FAF1: variants seen among roughly 807,000 people sequenced by gnomAD.
The protein encoded by FAF1 is Fas associated factor 1, also known as FAS-associated factor 1.
In FAF1, 25 loss-of-function variants were observed where a neutral mutation model predicts 92.5. The ratio of observed to expected loss-of-function variants is 0.27; its 90% CI spans 0.20 to 0.38. The LOEUF is 0.38. FAF1 is among the 10% of genes least tolerant of loss of function. The pLI, the probability that FAF1 is intolerant of heterozygous loss-of-function variation, is 1.00. For synonymous variants in FAF1, 234 were observed against 273.2 expected (o/e 0.86, Z 1.42); for missense variants, 636 against 793.3 (o/e 0.80, Z 2.38).
chr1:50,928,854 T>C (rs1645026852), intron 1 of FAF1, among the ~76,000 whole-genome samples: 1 of 149,282 alleles, frequency 6.7e-6, no homozygotes, highest in Admixed American at 6.7e-5. Context: ...CCCAGCACTT[T>C]GGGAGGCTAA....
intron 1 of FAF1, among the ~76,000 whole-genome samples, chr1:50,954,939 T>C (rs1047944894): frequency 6.6e-6 from 1 of 152,116 alleles, no homozygotes; most frequent in African/African-American, 2.4e-5. Context: ...AGCCCAGAAG[T>C]TCAAAGGGGC....
At chr1:50,444,735 G>C (rs1043528629) in intron 18 of FAF1, among the ~76,000 whole-genome samples, 3 of 152,162 alleles carry the variant, frequency 2.0e-5, no homozygotes, top group Admixed American at 6.5e-5. Flanking sequence ...ACCTTAACTA[G>C]ACCTCACAAC....
At position 50,904,898 on chromosome 1, in the gene FAF1, T is replaced by G. The variant is rs77479973; in HGVS notation, c.46-46901A>C. Among the ~76,000 whole-genome samples the G allele has an allele frequency of 9.9e-3, 1,504 of 152,232 alleles. 20 individuals carry two copies. The highest frequency in any genetic ancestry group is 0.034 in the African/African-American group (1,426 of 41,536). On this transcript the variant is annotated intron_variant, in intron 1 of 18. Transcript: ENST00000396153. ...TTTTTTCCTTTTTTTTTTCCTTTTTTTAATATACTTTAAGTTCTAGGGTAC... is the reference window on the plus strand; with the variant it reads ...TTTTTTCCTTTTTTTTTTCCTTTTTGTAATATACTTTAAGTTCTAGGGTAC...
chr1:50,705,806 C>T lies in FAF1; in HGVS notation c.637G>A (p.Gly213Arg), dbSNP rs1449380047. Residue 213 changes from glycine to arginine, a missense_variant, in exon 7 of 19, where the codon GGA becomes AGA. By Grantham distance (125) the Gly-to-Arg change is moderately radical. Coordinates refer to ENST00000396153, the MANE Select transcript of FAF1 (RefSeq NM_007051.3). ...CTCACCTCTTGAATAGTACTGCTTC[C>T]TGAGAAGTTCAGGTTGTACTCCCGC... ...VQREYNLNFS[G>R]SSTIQEVKRN... is the part of the protein sequence containing the mutation. The T allele has an allele frequency of 1.2e-6, 2 of 1,605,966 alleles. No homozygotes were observed. Among genetic ancestry groups the T allele is most frequent in the Non-Finnish European group, 1.7e-6 (2 of 1,173,112 alleles).
intron 6 of FAF1, among the ~76,000 whole-genome samples, chr1:50,714,412 C>G (rs888785508): frequency 4.0e-5 from 6 of 151,694 alleles, no homozygotes; most frequent in Non-Finnish European, 7.4e-5. Context: ...ACGCAGGAGG[C>G]TGAGGCAGGA....
chr1:50,598,953 A>C (rs1384262003), intron 8 of FAF1, among the ~76,000 whole-genome samples: 2 of 152,128 alleles, frequency 1.3e-5, no homozygotes, highest in Non-Finnish European at 2.9e-5. Flanking sequence ...CTGGACAACA[A>C]GAGTGAAACT....
At chr1:50,560,042 G>T (rs938477266) in intron 13 of FAF1, among the ~76,000 whole-genome samples, 2 of 152,128 alleles carry the variant, frequency 1.3e-5, no homozygotes, top group African/African-American at 4.8e-5. Flanking sequence ...TGTACCTAGG[G>T]TAGCAGCTGG....
At chr1:50,478,867 A>G (rs77186122) in intron 17 of FAF1, among the ~76,000 whole-genome samples, 4,556 of 152,268 alleles carry the variant, frequency 0.03, 223 homozygotes, top group African/African-American at 0.1. Flanking sequence ...ATTGTTTTAA[A>G]GTTTTTATTA....
rs1424171415 is a variant in FAF1, at chr1:50,475,475, G to A, written c.1858C>T (p.Pro620Ser). ...WDEYKLLSTF[P>S]RRDVTQLDPN... ...GTATGGGAACTTACGTCTCTCCTAG[G>A]AAAGGTGCTCAGTAACTTGTACTCA... The change falls in exon 18 of 19, where the codon CCT becomes TCT. Residue 620 changes from proline (P) to serine (S), a missense_variant. Transcript: ENST00000396153. 1 of 1,612,962 alleles carries A rather than the reference G, an allele frequency of 6.2e-7. No homozygotes were observed.
At chr1:50,600,130 C>T (rs1572860731) in intron 8 of FAF1, among the ~76,000 whole-genome samples, 1 of 152,004 alleles carries the variant, frequency 6.6e-6, no homozygotes, top group Admixed American at 6.6e-5. Flanking sequence ...GTATTAATTG[C>T]CAATGACAAA....
At chr1:50,547,534 C>A (rs1303524497) in intron 13 of FAF1, among the ~76,000 whole-genome samples, 1 of 152,044 alleles carries the variant, frequency 6.6e-6, no homozygotes, top group Non-Finnish European at 1.5e-5. Flanking sequence ...CCTGCCTCAG[C>A]CTCCTGAGTA....
chr1:50,596,382 C>A (rs1651816964), intron 8 of FAF1, among the ~76,000 whole-genome samples, 166 bp from the exon 9 acceptor site: 1 of 152,098 alleles, frequency 6.6e-6, no homozygotes. Context: ...TGAAATTTTT[C>A]CACACATGGG....
rs1293096759 is a variant in FAF1 at position 50,729,038 on chromosome 1, A to ATCTATC, written c.551+9824_551+9825insGATAGA. On this transcript the variant is annotated intron_variant, in intron 6 of 18. Transcript: ENST00000396153. The stretch of plus-strand genomic sequence containing the variant: ...TCTATCTATCTATCTATCTATCTAT[A>ATCTATC]TATATATATATATATATATATTTTT... Among the ~76,000 whole-genome samples, 461 of 60,690 alleles carry ATCTATC rather than the reference A, an allele frequency of 7.6e-3. 1 individual carries two copies. The highest frequency in any genetic ancestry group is 0.012 in the South Asian group (17 of 1,418). 39.8% of individuals were successfully genotyped at this position (60,690 alleles called of 152,430 possible).
chr1:50,479,960 C>T (rs1303453671), intron 17 of FAF1, among the ~76,000 whole-genome samples: 1 of 152,158 alleles, frequency 6.6e-6, no homozygotes, highest in African/African-American at 2.4e-5. Flanking sequence ...AGAGCAAGGG[C>T]CTCCTGTAAG....
intron 2 of FAF1, among the ~76,000 whole-genome samples, chr1:50,834,481 C>T (rs1019017497): frequency 1.3e-5 from 2 of 152,172 alleles, no homozygotes; most frequent in Non-Finnish European, 2.9e-5. Context: ...TCAGGAAACA[C>T]TTAATTCAAC....
chr1:50,628,997 C>G (rs963536489), intron 8 of FAF1, among the ~76,000 whole-genome samples: 1 of 152,048 alleles, frequency 6.6e-6, no homozygotes, highest in Non-Finnish European at 1.5e-5. Flanking sequence ...TGAATAATAG[C>G]CTTCAGCTCA....
intron 1 of FAF1, among the ~76,000 whole-genome samples, chr1:50,939,082 G>A (rs1217233474): frequency 1.3e-5 from 2 of 152,114 alleles, no homozygotes; most frequent in Non-Finnish European, 2.9e-5. Flanking sequence ...TTTTAGAATA[G>A]TTTTTTTAGT....
At chr1:50,948,534 CTTTTTTTT>C (rs1167611825) in intron 1 of FAF1, among the ~76,000 whole-genome samples, 1 of 139,068 alleles carries the variant, frequency 7.2e-6, no homozygotes, top group East Asian at 2.1e-4. Context: ...TTTTCTTTTT[CTTTTTTTT>C]TTTTTTTTGA....
Position 50,490,795 on chromosome 1 carries a change from A to G in FAF1, c.1576-130T>C, listed in dbSNP as rs1244173287. 1.0e-5 allele frequency: 7 copies of G among 693,026 alleles called. No homozygotes were observed. In the African/African-American group the frequency reaches 1.1e-4, roughly 11 times the overall value. The allele number at this position is 693,026 out of a possible 1,614,324, so 42.9% of individuals were successfully genotyped here. A position where few individuals can be genotyped will look rare whatever the true frequency, so the allele number is the denominator to read the frequency against. On this transcript the variant is annotated intron_variant, in intron 16 of 18. Transcript: ENST00000396153. ...TGACATTCAAAGGCTCATTGTCAAC[A>G]TGACTCAGAGGTATATTGTGGTAAC...
Sources: gnomAD v4.1 joint callset for allele counts (sites outside exome capture counted in the v4.1 genomes callset) on GRCh38, gnomAD v4.1.1 for gene constraint, MANE v1.5 for transcripts, NCBI Gene and HGNC (gene_info 2026-07-23, HGNC 2026-07-21) for gene names.